Variants in PTPN22 observed in about 807,000 individuals in gnomAD.
PTPN22 encodes the protein tyrosine-protein phosphatase non-receptor type 22.
PTPN22 carries 85 observed loss-of-function variants against 103.3 expected under a neutral mutation model. The ratio of observed to expected loss-of-function variants is 0.82; its 90% CI spans 0.69 to 0.99. The LOEUF (loss-of-function observed/expected upper bound fraction) is 0.99. PTPN22 is among the 50% of genes least tolerant of loss of function. PTPN22 has a pLI of 0.00. For synonymous variants in PTPN22, 323 were observed against 310.2 expected, an observed-to-expected ratio of 1.04 and a Z score of -0.43; for missense variants, 865 against 936.9, an observed-to-expected ratio of 0.92 and a Z score of 1.00.
rs749754636 is a variant in PTPN22, at chr1:113,829,674, G to A, written c.2168C>T (p.Thr723Ile). ...ATTTTCCATGGTGTCAGGATAGCTA[G>A]TAGAATATGTTTCTATAGATTGGGC... Residue 723 changes from threonine to isoleucine, a missense_variant, in exon 18 of 21, where the codon ACT becomes ATT. Thr to Ile is a moderately conservative substitution (Grantham distance 89, BLOSUM62 -1). Around this residue, in one of 3 missense-constraint regions of PTPN22, gnomAD observed 401 missense variants for 388.6 expected, o/e 1.03. Transcript: ENST00000359785. The A allele has an allele frequency of 5.0e-6, 8 of 1,603,660 alleles. No individual in the cohort carries two copies. The South Asian group carries it at 8.9e-5, about 18-fold the overall frequency.
At chr1:113,838,495 T>C in intron 12 of PTPN22, 49 bp downstream of exon 12, 5 of 1,603,708 alleles carry the variant, frequency 3.1e-6, no homozygotes, top group Non-Finnish European at 4.3e-6. Flanking sequence ...ATGAGATTCA[T>C]CTCCCAGACA....
chr1:113,862,913 G>A (rs1571468739), intron 1 of PTPN22, among the ~76,000 whole-genome samples: 4 of 152,304 alleles, frequency 2.6e-5, no homozygotes, highest in Middle Eastern at 6.8e-3. Flanking sequence ...TGAATTGTAC[G>A]AGCGTGCAAT....
At chr1:113,848,015 A>G (rs952432186) in intron 11 of PTPN22, among the ~76,000 whole-genome samples, 1 of 151,998 alleles carries the variant, frequency 6.6e-6, no homozygotes, top group African/African-American at 2.4e-5. Flanking sequence ...GATTACAGGC[A>G]TGAACCACCT....
At chr1:113,820,232 T>A (rs1661477202) in intron 19 of PTPN22, among the ~76,000 whole-genome samples, 1 of 152,130 alleles carries the variant, frequency 6.6e-6, no homozygotes, top group South Asian at 2.1e-4. Context: ...GGCAGGCAGA[T>A]AACTTGAGGC....
At chr1:113,842,204 T>G (rs553819383) in intron 11 of PTPN22, among the ~76,000 whole-genome samples, 30 of 151,258 alleles carry the variant, frequency 2.0e-4, no homozygotes, top group African/African-American at 5.8e-4. Context: ...AGCAAGACCC[T>G]GACTAAAAAA....
exon 13 of PTPN22, chr1:113,838,138 A>C (rs780136827): frequency 2.5e-6 from 4 of 1,614,160 alleles, no homozygotes; most frequent in Non-Finnish European, 3.4e-6. Context: ...TCCCTCAAAC[A>C]AAAGAGAGCC....
chr1:113,857,750 A>G (rs1665204126), exon 5 of PTPN22: 1 of 1,611,716 alleles, frequency 6.2e-7, no homozygotes, highest in Admixed American at 1.7e-5. Flanking sequence ...TTCCCATTTC[A>G]TACTCCATGC....
chr1:113,816,057 T>C (rs1215837500), intron 20 of PTPN22, among the ~76,000 whole-genome samples: 1 of 152,232 alleles, frequency 6.6e-6, no homozygotes, highest in African/African-American at 2.4e-5. Context: ...GTTTGAAGTA[T>C]AGGGGAATAA....
intron 19 of PTPN22, among the ~76,000 whole-genome samples, chr1:113,822,824 G>A (rs1267148877): frequency 6.6e-6 from 1 of 152,174 alleles, no homozygotes; most frequent in African/African-American, 2.4e-5. Context: ...GCTGGGCATA[G>A]TGGTGTGCGC....
intron 14 of PTPN22, 21 bp from the exon 15 acceptor site, chr1:113,834,460 T>A: frequency 6.2e-7 from 1 of 1,604,186 alleles, no homozygotes; most frequent in East Asian, 2.2e-5. Flanking sequence ...GTGAATATAG[T>A]TCGGTTCTTA....
chr1:113,844,463 AAAAC>A (rs1425990871), intron 11 of PTPN22, among the ~76,000 whole-genome samples: 1 of 152,234 alleles, frequency 6.6e-6, no homozygotes, highest in African/African-American at 2.4e-5. Context: ...CAAAAAAACA[AAAAC>A]AAACAAAAAA....
At chr1:113,830,494 A>C (rs939999605) in intron 16 of PTPN22, among the ~76,000 whole-genome samples, 6 of 152,200 alleles carry the variant, frequency 3.9e-5, no homozygotes, top group Non-Finnish European at 8.8e-5. Flanking sequence ...AAAAGAAGGG[A>C]GAACTGTTAC....
intron 11 of PTPN22, among the ~76,000 whole-genome samples, chr1:113,840,771 T>C (rs930011197): frequency 6.6e-6 from 1 of 152,162 alleles, no homozygotes; most frequent in African/African-American, 2.4e-5. Flanking sequence ...GGTACTGACA[T>C]AGTATAGACT....
At chr1:113,816,823 C>T (rs781727672) in intron 20 of PTPN22, among the ~76,000 whole-genome samples, 17 of 152,192 alleles carry the variant, frequency 1.1e-4, no homozygotes, top group Middle Eastern at 6.8e-3. Flanking sequence ...GCAGGAGAAT[C>T]GCTTGAACCC....
intron 15 of PTPN22, 89 bp downstream of exon 15, chr1:113,834,220 A>T: frequency 2.3e-6 from 3 of 1,330,234 alleles, no homozygotes. Flanking sequence ...TGTGCTTAGG[A>T]TTTATTGAAT....
At chr1:113,826,659 A>ATTTTTTTTT (rs10563752) in intron 18 of PTPN22, among the ~76,000 whole-genome samples, 2 of 63,098 alleles carry the variant, frequency 3.2e-5, no homozygotes, top group Non-Finnish European at 5.6e-5. Context: ...GGAGTCTCTA[A>ATTTTTTTTT]TTTTTTTTTT....
At chr1:113,847,616 T>G (rs1664210201) in intron 11 of PTPN22, among the ~76,000 whole-genome samples, 1 of 151,614 alleles carries the variant, frequency 6.6e-6, no homozygotes, top group Non-Finnish European at 1.5e-5. Context: ...TGTTGCTCTG[T>G]CACCTAGGCT....
chr1:113,837,513 AGAG>A (rs1663120562), intron 13 of PTPN22, 74 bp downstream of exon 13: 1 of 991,950 alleles, frequency 1.0e-6, no homozygotes, highest in Non-Finnish European at 1.5e-6. Context: ...AGAAGAGGGA[AGAG>A]GAGAAGAAAC....
At chr1:113,859,009 A>T (rs1174908053) in exon 3 of PTPN22, 3 of 1,613,566 alleles carry the variant, frequency 1.9e-6, no homozygotes, top group Non-Finnish European at 2.5e-6. Flanking sequence ...TACCTTAATG[A>T]AGTTGGCATT....
Sources: allele counts gnomAD v4.1 joint callset (sites outside exome capture counted in the v4.1 genomes callset), GRCh38; gene constraint gnomAD v4.1.1; regional missense constraint gnomAD v4.1.1; transcripts MANE v1.5; gene names NCBI Gene and HGNC (gene_info 2026-07-23, HGNC 2026-07-21).